The following SLC2A9 variants were observed in gnomAD, a reference collection of about 807,000 sequenced individuals.
SLC2A9 encodes solute carrier family 2 member 9.
Under a neutral mutation model 50.6 loss-of-function variants are expected in SLC2A9, and 39 were observed. That is an observed-to-expected ratio of 0.77 (90% confidence interval 0.60 to 1.01). The LOEUF is 1.01. Ranked by LOEUF, SLC2A9 falls within the 50% of genes least tolerant of loss-of-function variation. The pLI, the probability that SLC2A9 is intolerant of heterozygous loss-of-function variation, is 0.00. For synonymous variants in SLC2A9, 324 were observed against 276.9 expected, an observed-to-expected ratio of 1.17 and a Z score of -1.69; for missense variants, 686 against 677.6, an observed-to-expected ratio of 1.01 and a Z score of -0.14.
In SLC2A9 at chr4:9,856,707, T is replaced by A. The variant is rs1476988556; in HGVS notation, c.1292-21699A>T. On this transcript the variant is annotated intron_variant, in intron 10 of 11. Coordinates refer to ENST00000264784, the MANE Select transcript of SLC2A9 (RefSeq NM_020041.3). Reference sequence around the variant, plus strand: ...TATTCACAATAGCAAAGACATAGAGTCAACATAAATGCCCATTAACAGTAG... The same window carrying A: ...TATTCACAATAGCAAAGACATAGAGACAACATAAATGCCCATTAACAGTAG... Among the ~76,000 whole-genome samples, 3 of 151,968 alleles carry A rather than the reference T, an allele frequency of 2.0e-5. No individual in the cohort carries two copies. In the East Asian group the frequency reaches 5.8e-4, roughly 29 times the overall value.
chr4:9,980,173 A>T (rs1213121921), intron 5 of SLC2A9, among the ~76,000 whole-genome samples: 1 of 152,252 alleles, frequency 6.6e-6, no homozygotes, highest in East Asian at 1.9e-4. Flanking sequence ...AAGAGACTAA[A>T]GAATGAGGTA....
intron 5 of SLC2A9, among the ~76,000 whole-genome samples, chr4:9,967,533 ACT>A (rs1753226280): frequency 6.6e-6 from 1 of 151,946 alleles, no homozygotes; most frequent in Non-Finnish European, 1.5e-5. Context: ...AAAAGTAAGA[ACT>A]GTTTTTAATT....
upstream of SLC2A9, among the ~76,000 whole-genome samples, chr4:10,022,158 T>C (rs1033730054): frequency 3.3e-5 from 5 of 152,198 alleles, no homozygotes; most frequent in African/African-American, 1.2e-4. Context: ...ACTTTTTAAC[T>C]GTGTGTCCTC....
At chr4:9,919,968 C>A (rs139571470) in intron 7 of SLC2A9, among the ~76,000 whole-genome samples, 18 of 152,050 alleles carry the variant, frequency 1.2e-4, no homozygotes, top group African/African-American at 3.6e-4. Context: ...TACTTAAAGC[C>A]TTGAGGTTTT....
intron 3 of SLC2A9, among the ~76,000 whole-genome samples, chr4:9,789,386 A>G (rs1325234776): frequency 6.6e-6 from 1 of 152,214 alleles, no homozygotes. Flanking sequence ...AAGAGCTGAG[A>G]GTACAGGGCA....
chr4:9,960,293 C>A (rs1752058466), intron 5 of SLC2A9, among the ~76,000 whole-genome samples: 1 of 152,196 alleles, frequency 6.6e-6, no homozygotes, highest in Non-Finnish European at 1.5e-5. Flanking sequence ...GGCCTTTCTG[C>A]CTGGAAAATA....
At chr4:9,880,490 T>C in intron 10 of SLC2A9, 1 of 985,168 alleles carries the variant, frequency 1.0e-6, no homozygotes, top group Non-Finnish European at 1.2e-6. Flanking sequence ...AAGCCACAGT[T>C]GCAAACACTT....
At chr4:9,951,864 T>C (rs1483347873) in intron 5 of SLC2A9, among the ~76,000 whole-genome samples, 2 of 152,240 alleles carry the variant, frequency 1.3e-5, no homozygotes, top group Non-Finnish European at 2.9e-5. Context: ...TACAAAAGAT[T>C]CATTTAATGT....
At chr4:9,913,331 GAGAGAGAGAGAGAGAGAGAGAGAGAC>G (rs1200373508) in intron 7 of SLC2A9, among the ~76,000 whole-genome samples, 2 of 53,200 alleles carry the variant, frequency 3.8e-5, no homozygotes, top group African/African-American at 1.7e-4. Context: ...GTGTGTGTGT[GAGAGAGAGAGAGAGAGAGAGAGAGAC>G]AGAGAGAGAG....
intron 7 of SLC2A9, among the ~76,000 whole-genome samples, chr4:9,911,950 C>G (rs1009983757): frequency 1.3e-5 from 2 of 152,168 alleles, no homozygotes; most frequent in African/African-American, 4.8e-5. Flanking sequence ...CCATGGAATA[C>G]TATGCAGCCA....
intron 6 of SLC2A9, among the ~76,000 whole-genome samples, chr4:9,928,515 C>T (rs7684306): frequency 6.6e-6 from 1 of 152,018 alleles, no homozygotes; most frequent in Non-Finnish European, 1.5e-5. Context: ...GCAGATCACC[C>T]GAGGTCAGGA....
intron 10 of SLC2A9, among the ~76,000 whole-genome samples, chr4:9,845,426 T>TC (rs1728806008): frequency 7.3e-6 from 1 of 136,350 alleles, no homozygotes; most frequent in African/African-American, 3.0e-5. Flanking sequence ...ATCATCAATT[T>TC]CTTTTTTTTT....
At chr4:10,037,812 C>T (rs767901639) in intron 1 of SLC2A9, among the ~76,000 whole-genome samples, 2 of 151,894 alleles carry the variant, frequency 1.3e-5, no homozygotes, top group East Asian at 3.9e-4. Flanking sequence ...ATTAGCCAGG[C>T]GGGTAGCGCA....
intron 7 of SLC2A9, among the ~76,000 whole-genome samples, chr4:9,912,423 TG>T (rs911082862): frequency 6.6e-6 from 1 of 152,120 alleles, no homozygotes; most frequent in Non-Finnish European, 1.5e-5. Context: ...CTGGCAGGTG[TG>T]GGGGTAAGGG....
intron 4 of SLC2A9, among the ~76,000 whole-genome samples, chr4:9,981,978 T>G (rs1035566724): frequency 6.6e-6 from 1 of 151,872 alleles, no homozygotes; most frequent in East Asian, 1.9e-4. Flanking sequence ...ACCTCCCGGG[T>G]TCAAGTGATT....
intron 8 of SLC2A9, among the ~76,000 whole-genome samples, chr4:9,897,845 T>C (rs1738851217): frequency 6.6e-6 from 1 of 152,024 alleles, no homozygotes. Context: ...TGCAGTGAGC[T>C]GAGATTGTGC....
chr4:9,931,396 C>T (rs949001587), intron 6 of SLC2A9, among the ~76,000 whole-genome samples: 7 of 152,192 alleles, frequency 4.6e-5, no homozygotes, highest in African/African-American at 1.7e-4. Flanking sequence ...GGAGCTGTTA[C>T]ATAATCAGAT....
At position 9,918,806 on chromosome 4, in the gene SLC2A9, G is replaced by A. The variant is rs145039436; in HGVS notation, c.1002+1579C>T. On this transcript the variant is annotated intron_variant, in intron 7 of 11. Transcript: ENST00000264784. ...TGGTCCAGAGCTCTGCTCCAGGTCAGGTAAAGCACGCTCAGCTGGAAATAT... is the reference window on the plus strand; with the variant it reads ...TGGTCCAGAGCTCTGCTCCAGGTCAAGTAAAGCACGCTCAGCTGGAAATAT... Among the ~76,000 whole-genome samples, 3 of 152,300 alleles carry A rather than the reference G, an allele frequency of 2.0e-5. No homozygotes were observed. In the South Asian group the frequency reaches 6.2e-4, roughly 32 times the overall value.
intron 10 of SLC2A9, among the ~76,000 whole-genome samples, chr4:9,887,022 T>C (rs1203372929): frequency 1.3e-5 from 2 of 152,240 alleles, no homozygotes; most frequent in East Asian, 3.8e-4. Context: ...AGCTACCATG[T>C]AAGCTGGTGG....
Sources: gnomAD v4.1 joint callset for allele counts (sites outside exome capture counted in the v4.1 genomes callset) on GRCh38, gnomAD v4.1.1 for gene constraint, MANE v1.5 for transcripts, NCBI Gene and HGNC (gene_info 2026-07-23, HGNC 2026-07-21) for gene names.